The following COA8 variants were observed in gnomAD, a reference collection of about 807,000 sequenced individuals.
COA8 encodes the protein cytochrome c oxidase assembly factor 8, also known as UPF0671 protein C14orf153.
In COA8, 20 loss-of-function variants were observed where a neutral mutation model predicts 22.0. That is an observed-to-expected ratio of 0.91 (90% confidence interval 0.64 to 1.32). The LOEUF (loss-of-function observed/expected upper bound fraction) is 1.32, where lower values mean the gene tolerates loss of function less well. Ranked by LOEUF, COA8 falls within the 40% of genes most tolerant of loss-of-function variation. COA8 has a pLI of 0.00. For missense variants in COA8, 266 were observed against 230.0 expected, an observed-to-expected ratio of 1.16 and a Z score of -1.01; for synonymous variants, 105 against 79.9, an observed-to-expected ratio of 1.31 and a Z score of -1.68.
At chr14:103,583,114 T>C (rs573804966) in intron 3 of COA8, among the ~76,000 whole-genome samples, 1 of 152,368 alleles carries the variant, frequency 6.6e-6, no homozygotes, top group East Asian at 1.9e-4. Flanking sequence ...TATAATATTC[T>C]ATACGGATAT....
At chr14:103,579,059 G>C (rs1017472311) in intron 3 of COA8, among the ~76,000 whole-genome samples, 1 of 152,158 alleles carries the variant, frequency 6.6e-6, no homozygotes, top group South Asian at 2.1e-4. Context: ...TGTTGACCAG[G>C]CTGGCCTCAA....
chr14:103,570,739 A>G (rs1566979000), intron 1 of COA8, among the ~76,000 whole-genome samples: 2 of 152,202 alleles, frequency 1.3e-5, no homozygotes, highest in Non-Finnish European at 2.9e-5. Flanking sequence ...TCTCAAAAAA[A>G]AGAAAGAGTT....
At chr14:103,568,429 A>ATG (rs1212422664) in intron 1 of COA8, among the ~76,000 whole-genome samples, 6 of 151,598 alleles carry the variant, frequency 4.0e-5, no homozygotes, top group African/African-American at 2.4e-5. Flanking sequence ...GAAAGGAGAT[A>ATG]TGTATATATA....
chr14:103,575,662 A>G (rs1389443903), intron 3 of COA8, among the ~76,000 whole-genome samples: 1 of 152,136 alleles, frequency 6.6e-6, no homozygotes, highest in Non-Finnish European at 1.5e-5. Context: ...CTGCAATACA[A>G]ATGTATTCCA....
chr14:103,563,239 C>T (rs1423023459), intron 1 of COA8, 115 bp downstream of exon 1: 2 of 1,359,966 alleles, frequency 1.5e-6, no homozygotes, highest in Non-Finnish European at 1.0e-6. Flanking sequence ...TGTCCAGGTG[C>T]TCTCGCGTCC....
chr14:103,585,784 C>T (rs919142324), intron 3 of COA8, among the ~76,000 whole-genome samples: 2 of 151,984 alleles, frequency 1.3e-5, no homozygotes, highest in African/African-American at 4.8e-5. Context: ...CCATGTTGGC[C>T]AGGATGGTCT....
intron 1 of COA8, chr14:103,567,264 T>C (rs1279322288): frequency 1.3e-5 from 2 of 150,428 alleles, no homozygotes; most frequent in Non-Finnish European, 2.9e-5. Flanking sequence ...TCCCAGCTAC[T>C]CGGGAGGCTG....
intron 3 of COA8, 194 bp downstream of exon 3, chr14:103,574,364 C>A: frequency 1.3e-6 from 1 of 763,866 alleles, no homozygotes; most frequent in Non-Finnish European, 2.3e-6. Flanking sequence ...CCAATCTCAG[C>A]TCCCTCCTTT....
chr14:103,563,466 T>TTG (rs1180863157), intron 1 of COA8: 38 of 423,718 alleles, frequency 9.0e-5, no homozygotes, highest in Admixed American at 2.8e-4. Flanking sequence ...TTTTTTTTCG[T>TTG]TGTGTGTGTG....
intron 1 of COA8, among the ~76,000 whole-genome samples, chr14:103,569,920 G>A (rs1362175439): frequency 1.3e-5 from 2 of 152,090 alleles, no homozygotes; most frequent in African/African-American, 4.8e-5. Flanking sequence ...GCAGTGGTGC[G>A]ATCTCGGCTC....
At chr14:103,577,878 G>T (rs28660416) in intron 3 of COA8, among the ~76,000 whole-genome samples, 44,668 of 151,750 alleles carry the variant, frequency 0.29, 6,881 homozygotes, top group Middle Eastern at 0.38. Context: ...TACAAAATTA[G>T]CCAGTCGTGG....
intron 1 of COA8, among the ~76,000 whole-genome samples, chr14:103,565,452 A>G (rs373263696): frequency 6.6e-6 from 1 of 151,926 alleles, no homozygotes; most frequent in Admixed American, 6.5e-5. Flanking sequence ...AGTTTGCATC[A>G]TTGGTTCCTA....
chr14:103,586,633 G>A (rs750143809), intron 3 of COA8, among the ~76,000 whole-genome samples: 1 of 87,732 alleles, frequency 1.1e-5, no homozygotes, highest in Non-Finnish European at 2.0e-5. Context: ...GAGCTATCAC[G>A]CCTGGCCTTT....
chr14:103,569,152 A>T (rs1024211554), intron 1 of COA8, among the ~76,000 whole-genome samples: 3 of 152,282 alleles, frequency 2.0e-5, no homozygotes, highest in South Asian at 2.1e-4. Context: ...GGACACCATG[A>T]ATCATAGGCT....
At position 103,581,495 on chromosome 14, in the gene COA8, C is replaced by T. The variant is rs1566983831; in HGVS notation, c.386-5779C>T. The stretch of plus-strand genomic sequence containing the variant: ...AGTAGGACCTTGGGAGGTTTCATCA[C>T]GCTACTCAGAACAGCATGCAGTTCA... On this transcript the variant is annotated intron_variant, in intron 3 of 4. Coordinates refer to ENST00000409074, the MANE Select transcript of COA8 (RefSeq NM_001370595.2). The surrounding 1 kb of genome is among the most constrained non-coding windows in gnomAD (Gnocchi z 4.1). 1.3e-5 allele frequency: 5 copies of T among 396,052 alleles called. No homozygotes were observed. Among genetic ancestry groups the T allele is most frequent in the East Asian group, 3.6e-5 (1 of 27,968 alleles). The allele number at this position is 396,052 out of a possible 1,614,324, so 24.5% of individuals were successfully genotyped here. A position where few individuals can be genotyped will look rare whatever the true frequency, so the allele number is the denominator to read the frequency against.
At chr14:103,563,259 C>T in intron 1 of COA8, 135 bp downstream of exon 1, 1 of 1,212,786 alleles carries the variant, frequency 8.2e-7, no homozygotes, top group Non-Finnish European at 1.2e-6. Flanking sequence ...CTATCCCGAA[C>T]AGTCCCGCAG....
intron 3 of COA8, among the ~76,000 whole-genome samples, chr14:103,585,428 G>A (rs568926533): frequency 4.8e-4 from 71 of 148,954 alleles, no homozygotes; most frequent in African/African-American, 1.7e-3. Flanking sequence ...GTGGTGAGCC[G>A]AGATCGTACC....
chr14:103,588,127 A>AAAC, intron 4 of COA8: 1 of 311,146 alleles, frequency 3.2e-6, no homozygotes, highest in Admixed American at 5.0e-5. Context: ...AAAAAAAAAA[A>AAAC]AAAAAAAAAA....
intron 3 of COA8, among the ~76,000 whole-genome samples, chr14:103,580,487 G>GT: frequency 6.7e-6 from 1 of 149,496 alleles, no homozygotes; most frequent in East Asian, 2.0e-4. Flanking sequence ...TTTGTTTTTT[G>GT]TTTTTTGTGG....
Sources: gnomAD v4.1 joint callset for allele counts (sites outside exome capture counted in the v4.1 genomes callset) on GRCh38, gnomAD v4.1.1 for gene constraint, Gnocchi (gnomAD v3.1) non-coding constraint, MANE v1.5 for transcripts, NCBI Gene and HGNC (gene_info 2026-07-23, HGNC 2026-07-21) for gene names.